The following FGGY variants were observed in gnomAD, a reference collection of about 807,000 sequenced individuals.
FGGY encodes the protein FGGY carbohydrate kinase domain containing.
A neutral mutation model predicts 71.3 loss-of-function variants in FGGY; 72 were observed. The observed-to-expected ratio is 1.01, with a 90% CI of 0.84 to 1.23. FGGY has a LOEUF of 1.23. Among genes scored for constraint, FGGY ranks in the 50% most tolerant of loss-of-function variants. The pLI, the probability that FGGY is intolerant of heterozygous loss-of-function variation, is 0.00. For missense variants in FGGY, 668 were observed against 682.3 expected, an observed-to-expected ratio of 0.98 and a Z score of 0.23; for synonymous variants, 251 against 250.3, an observed-to-expected ratio of 1.00 and a Z score of -0.02.
At chr1:59,656,621 G>T (rs1191354589) in intron 11 of FGGY, among the ~76,000 whole-genome samples, 2 of 152,198 alleles carry the variant, frequency 1.3e-5, no homozygotes, top group Non-Finnish European at 2.9e-5. Flanking sequence ...CTTTCACTAA[G>T]TCACATTTCA....
chr1:59,408,812 C>T lies in FGGY; in HGVS notation c.554+29975C>T, dbSNP rs141083280. On this transcript the variant is annotated intron_variant, in intron 5 of 15. Transcript: ENST00000303721. ...GAGACCAGGCTTATGCATGGGCTTT[C>T]AAGCTATTTGTCCAGAGGCCCAACC... is the stretch of plus-strand genomic sequence containing the variant. 2.0e-5 allele frequency among the ~76,000 whole-genome samples: 3 copies of T among 152,270 alleles called. No homozygotes were observed. In the East Asian group the frequency reaches 5.8e-4, roughly 29 times the overall value.
intron 1 of FGGY, among the ~76,000 whole-genome samples, chr1:59,314,103 C>T (rs1034886512): frequency 6.6e-6 from 1 of 152,034 alleles, no homozygotes; most frequent in Non-Finnish European, 1.5e-5. Flanking sequence ...GTAGCTGGGA[C>T]TATCGGTGCC....
At chr1:59,706,620 G>A (rs1324408755) in intron 14 of FGGY, among the ~76,000 whole-genome samples, 2 of 152,206 alleles carry the variant, frequency 1.3e-5, no homozygotes, top group Admixed American at 6.5e-5. Context: ...GATAATGTGT[G>A]TAATGATTGT....
intron 6 of FGGY, among the ~76,000 whole-genome samples, chr1:59,500,740 A>G (rs1201343243): frequency 1.3e-5 from 2 of 151,950 alleles, no homozygotes; most frequent in African/African-American, 2.4e-5. Context: ...TGTGCTTTTC[A>G]AAACAATAGC....
chr1:59,728,215 A>G (rs61788950), intron 14 of FGGY, among the ~76,000 whole-genome samples: 11,064 of 152,072 alleles, frequency 0.073, 491 homozygotes, highest in Middle Eastern at 0.16. Context: ...TTTAAAAGGT[A>G]GTAATGTCCC....
At chr1:59,625,664 C>T (rs915209036) in intron 9 of FGGY, among the ~76,000 whole-genome samples, 5 of 152,092 alleles carry the variant, frequency 3.3e-5, no homozygotes, top group African/African-American at 4.8e-5. Context: ...TCAGACCCCC[C>T]CCATTTGACA....
intron 14 of FGGY, among the ~76,000 whole-genome samples, chr1:59,707,264 G>A (rs2097763392): frequency 6.6e-6 from 1 of 152,164 alleles, no homozygotes; most frequent in South Asian, 2.1e-4. Flanking sequence ...TAAGTGACTC[G>A]CCTAAGGTCA....
At chr1:59,755,274 T>C (rs576943043) in intron 14 of FGGY, 1 of 152,292 alleles carries the variant, frequency 6.6e-6, no homozygotes, top group African/African-American at 2.4e-5. Flanking sequence ...CCGTCACGTG[T>C]ATTATCCTTA....
intron 14 of FGGY, among the ~76,000 whole-genome samples, chr1:59,726,341 A>G (rs960554497): frequency 3.9e-5 from 6 of 152,102 alleles, no homozygotes; most frequent in Admixed American, 3.9e-4. Context: ...ATATTATATT[A>G]AGAATATTTT....
intron 4 of FGGY, among the ~76,000 whole-genome samples, chr1:59,353,596 CCTTCTA>C (rs2053712033): frequency 6.6e-6 from 1 of 152,208 alleles, no homozygotes; most frequent in Admixed American, 6.5e-5. Flanking sequence ...TACTTGAGTA[CCTTCTA>C]CTTGTTTCCC....
chr1:59,669,876 T>C (rs1453674253), intron 13 of FGGY, among the ~76,000 whole-genome samples: 5 of 152,190 alleles, frequency 3.3e-5, no homozygotes, highest in Admixed American at 3.3e-4. Context: ...TTTGTGAAAA[T>C]GGGTCATCTT....
At chr1:59,331,017 T>C (rs2048368673) in intron 2 of FGGY, among the ~76,000 whole-genome samples, 1 of 152,054 alleles carries the variant, frequency 6.6e-6, no homozygotes, top group Admixed American at 6.6e-5. Flanking sequence ...GGACCACGTC[T>C]CTCTTGACCA....
At chr1:59,761,565 T>C (rs2098341046) in intron 15 of FGGY, among the ~76,000 whole-genome samples, 1 of 152,224 alleles carries the variant, frequency 6.6e-6, no homozygotes, top group African/African-American at 2.4e-5. Flanking sequence ...GCTGCAAGTA[T>C]AATTTGTCTC....
chr1:59,711,199 C>T (rs942844948), intron 14 of FGGY, among the ~76,000 whole-genome samples: 6 of 152,014 alleles, frequency 3.9e-5, no homozygotes, highest in African/African-American at 1.2e-4. Context: ...GAACAGAAAA[C>T]CAAACACCAC....
chr1:59,524,732 A>G (rs2094930263), intron 7 of FGGY, among the ~76,000 whole-genome samples: 1 of 152,094 alleles, frequency 6.6e-6, no homozygotes, highest in African/African-American at 2.4e-5. Context: ...CTGCCTGCAG[A>G]AAAGAGCTAC....
chr1:59,455,942 A>T (rs1226823994), intron 5 of FGGY, among the ~76,000 whole-genome samples: 2 of 150,762 alleles, frequency 1.3e-5, no homozygotes, highest in African/African-American at 5.0e-5. Context: ...ACAGAATATT[A>T]AGGGTAAATT....
At chr1:59,610,175 C>T (rs2096660881) in intron 9 of FGGY, among the ~76,000 whole-genome samples, 1 of 152,182 alleles carries the variant, frequency 6.6e-6, no homozygotes, top group Non-Finnish European at 1.5e-5. Context: ...GTCAACCCAT[C>T]ATCTATGTTT....
At chr1:59,595,914 A>G (rs1455253804) in intron 8 of FGGY, among the ~76,000 whole-genome samples, 2 of 152,126 alleles carry the variant, frequency 1.3e-5, no homozygotes, top group South Asian at 2.1e-4. Flanking sequence ...GCATTTTGTT[A>G]TGATCTGTTC....
chr1:59,760,280 A>G (rs576557956), intron 15 of FGGY, among the ~76,000 whole-genome samples: 1 of 152,350 alleles, frequency 6.6e-6, no homozygotes, highest in East Asian at 1.9e-4. Context: ...CTACTATTTT[A>G]AAACAGAAAA....
Sources: allele counts gnomAD v4.1 joint callset (sites outside exome capture counted in the v4.1 genomes callset), GRCh38; gene constraint gnomAD v4.1.1; transcripts MANE v1.5; gene names NCBI Gene and HGNC (gene_info 2026-07-23, HGNC 2026-07-21).